Variants in MPP7 observed in about 807,000 individuals in gnomAD.
The protein encoded by MPP7 is MAGUK p55 subfamily member 7.
MPP7 carries 60 observed loss-of-function variants against 76.5 expected under a neutral mutation model. The observed-to-expected ratio is 0.78, with a 90% confidence interval of 0.64 to 0.97. The LOEUF is 0.97. Among genes scored for constraint, MPP7 ranks in the 50% least tolerant of loss-of-function variants. The pLI is 0.00. For missense variants in MPP7, 641 were observed against 694.0 expected (o/e 0.92, Z 0.86); for synonymous variants, 237 against 244.5 (o/e 0.97, Z 0.29).
intron 2 of MPP7, among the ~76,000 whole-genome samples, chr10:28,223,455 G>C (rs891825925): frequency 4.6e-5 from 7 of 152,278 alleles, no homozygotes; most frequent in Admixed American, 2.0e-4. Flanking sequence ...TTTGCAGCAT[G>C]ATTATAATTT....
intron 1 of MPP7, among the ~76,000 whole-genome samples, chr10:28,285,329 C>A (rs1442985612): frequency 6.6e-6 from 1 of 152,124 alleles, no homozygotes; most frequent in Non-Finnish European, 1.5e-5. Context: ...GGATTACAGG[C>A]AACACGCCAC....
At chr10:28,280,275 C>T (rs1205844868) in intron 1 of MPP7, 1 of 152,098 alleles carries the variant, frequency 6.6e-6, no homozygotes, top group South Asian at 2.1e-4. Flanking sequence ...CCAAAACCTA[C>T]TGATTCTCAA....
chr10:28,278,829 G>GAA (rs796411250), intron 1 of MPP7, among the ~76,000 whole-genome samples: 18 of 121,232 alleles, frequency 1.5e-4, no homozygotes, highest in African/African-American at 4.3e-4. Flanking sequence ...TTTTTAATCT[G>GAA]AAAAAAAAAA....
At chr10:28,143,297 C>T (rs558641342) in intron 5 of MPP7, among the ~76,000 whole-genome samples, 29 of 152,154 alleles carry the variant, frequency 1.9e-4, no homozygotes, top group South Asian at 1.2e-3. Flanking sequence ...GATATGCATC[C>T]GCACTAATAA....
chr10:28,268,216 T>C (rs989490189), intron 1 of MPP7, among the ~76,000 whole-genome samples: 6 of 152,084 alleles, frequency 3.9e-5, no homozygotes, highest in Non-Finnish European at 7.4e-5. Context: ...GGAACCGCCA[T>C]GTGAGAGACA....
intron 13 of MPP7, among the ~76,000 whole-genome samples, chr10:28,067,463 G>A (rs1287727074): frequency 6.6e-6 from 1 of 152,162 alleles, no homozygotes; most frequent in Non-Finnish European, 1.5e-5. Flanking sequence ...AGAACTCCAT[G>A]AGAATCTTAT....
At chr10:28,065,668 G>T (rs1851962994) in intron 13 of MPP7, among the ~76,000 whole-genome samples, 1 of 152,090 alleles carries the variant, frequency 6.6e-6, no homozygotes, top group African/African-American at 2.4e-5. Flanking sequence ...CAAAATAGCT[G>T]TCCTGGGGAG....
intron 2 of MPP7, among the ~76,000 whole-genome samples, chr10:28,318,936 T>C (rs1002782043): frequency 2.0e-5 from 3 of 152,254 alleles, no homozygotes; most frequent in Non-Finnish European, 2.9e-5. Context: ...TATGATGCTT[T>C]AGAAATCTGT....
intron 1 of MPP7, among the ~76,000 whole-genome samples, chr10:28,291,666 G>T (rs2133129051): frequency 6.6e-6 from 1 of 152,096 alleles, no homozygotes; most frequent in Admixed American, 6.5e-5. Flanking sequence ...CCCTGTGTAG[G>T]CCTAGGCTAA....
rs1554837262 is a variant in MPP7, at chr10:28,115,069, G to GC, written c.952+4581_952+4582insG. The stretch of plus-strand genomic sequence containing the variant: ...TAGTATTAGGGGAAAAATACGTTAG[G>GC]TTTTTTGTTTGTTTGTTTGTTTGTT... On this transcript the variant is annotated intron_variant, in intron 11 of 16. Transcript: ENST00000683449. Among the ~76,000 whole-genome samples, 4 of 133,424 alleles carry GC rather than the reference G, an allele frequency of 3.0e-5. No homozygotes were observed. The East Asian group carries it at 1.5e-3, about 51-fold the overall frequency. 87.5% of individuals were successfully genotyped at this position (133,424 alleles called of 152,430 possible).
chr10:28,097,640 C>T (rs900915090), intron 11 of MPP7, among the ~76,000 whole-genome samples: 2 of 152,062 alleles, frequency 1.3e-5, no homozygotes, highest in Admixed American at 6.6e-5. Context: ...ATTTCTATTA[C>T]ATTATGTTAG....
At chr10:28,253,054 C>T (rs1458652508) in intron 1 of MPP7, among the ~76,000 whole-genome samples, 2 of 152,070 alleles carry the variant, frequency 1.3e-5, no homozygotes, top group African/African-American at 2.4e-5. Flanking sequence ...ACTATGAGCA[C>T]GCACCACCAT....
At chr10:28,200,112 C>G (rs1412671918) in intron 3 of MPP7, among the ~76,000 whole-genome samples, 2 of 152,166 alleles carry the variant, frequency 1.3e-5, no homozygotes, top group Non-Finnish European at 2.9e-5. Context: ...AGGCTTCTAT[C>G]CTCCAAGCTT....
chr10:28,128,493 T>C (rs1469043888), intron 6 of MPP7, among the ~76,000 whole-genome samples: 2 of 152,162 alleles, frequency 1.3e-5, no homozygotes, highest in African/African-American at 4.8e-5. Context: ...GATGGTGGCA[T>C]GGATCTGACT....
intron 5 of MPP7, among the ~76,000 whole-genome samples, chr10:28,143,567 G>A (rs1835596961): frequency 6.6e-6 from 1 of 152,048 alleles, no homozygotes; most frequent in South Asian, 2.1e-4. Context: ...GTGTCTGTAT[G>A]TGTGTATTCC....
chr10:28,065,801 TACAAAAAC>T (rs1301637456), intron 13 of MPP7, among the ~76,000 whole-genome samples: 5 of 152,164 alleles, frequency 3.3e-5, no homozygotes, highest in Non-Finnish European at 7.4e-5. Flanking sequence ...CTTTAAAACC[TACAAAAAC>T]ACAAAAACTG....
intron 3 of MPP7, among the ~76,000 whole-genome samples, chr10:28,173,333 C>T (rs1164103080): frequency 2.0e-5 from 3 of 151,980 alleles, no homozygotes; most frequent in African/African-American, 7.3e-5. Flanking sequence ...GATCTACCCA[C>T]TCAACAATGT....
intron 1 of MPP7, among the ~76,000 whole-genome samples, chr10:28,287,282 C>T (rs745982651): frequency 4.9e-4 from 75 of 151,834 alleles, no homozygotes; most frequent in Non-Finnish European, 8.5e-4. Context: ...GTTAATAAGA[C>T]GGTATTGTGT....
At chr10:28,181,085 C>G (rs1452545449) in intron 3 of MPP7, among the ~76,000 whole-genome samples, 1 of 152,024 alleles carries the variant, frequency 6.6e-6, no homozygotes, top group African/African-American at 2.4e-5. Flanking sequence ...TATACAGAAG[C>G]TTATTAATTT....
Sources: allele counts gnomAD v4.1 joint callset (sites outside exome capture counted in the v4.1 genomes callset), GRCh38; gene constraint gnomAD v4.1.1; transcripts MANE v1.5; gene names NCBI Gene and HGNC (gene_info 2026-07-23, HGNC 2026-07-21).